MPHOSPH8: variants seen among roughly 807,000 people sequenced by gnomAD.
MPHOSPH8 encodes M-phase phosphoprotein 8.
MPHOSPH8 carries 45 observed loss-of-function variants against 87.3 expected under a neutral mutation model. That is an observed-to-expected ratio of 0.52 (90% CI 0.41 to 0.66). MPHOSPH8 has a LOEUF of 0.66. Among genes scored for constraint, MPHOSPH8 ranks in the 30% least tolerant of loss-of-function variants. The pLI is 0.00. For synonymous variants in MPHOSPH8, 366 were observed against 376.9 expected (o/e 0.97, Z 0.33); for missense variants, 883 against 1,020.2 (o/e 0.87, Z 1.83).
intron 5 of MPHOSPH8, among the ~76,000 whole-genome samples, chr13:19,657,223 A>G (rs1813036582): frequency 6.7e-6 from 1 of 148,170 alleles, no homozygotes; most frequent in Non-Finnish European, 1.5e-5. Context: ...TTATTAGAAA[A>G]CAGTTTTAGG....
rs1314091027 is a variant in MPHOSPH8 at position 19,671,237 on chromosome 13, T to C, written c.2489T>C (p.Val830Ala). The C allele has an allele frequency of 9.9e-6, 16 of 1,614,052 alleles. No individual in the cohort carries two copies. The highest frequency in any genetic ancestry group is 1.2e-5 in the Non-Finnish European group (14 of 1,180,040). The change falls in exon 13 of 14, where the codon GTT (valine) becomes GCT (alanine). Residue 830 changes from valine to alanine, a missense_variant. By Grantham distance (64) the Val-to-Ala change is moderately conservative. This residue lies in a region of MPHOSPH8 where 741 missense variants were observed against 841.5 expected (regional missense o/e 0.88). Coordinates refer to ENST00000361479, the MANE Select transcript of MPHOSPH8 (RefSeq NM_017520.4). Reference protein sequence around the residue: ...DSHFVYSFSPVAGPNKLFIRL... With the variant: ...DSHFVYSFSPAAGPNKLFIRL... ...CATTTTGTTTACTCATTCAGCCCTG[T>C]TGCAGGTCCCAATAAACTCTTCATA...
At chr13:19,668,802 T>C (rs577229276) in intron 11 of MPHOSPH8, among the ~76,000 whole-genome samples, 14 of 152,194 alleles carry the variant, frequency 9.2e-5, no homozygotes, top group African/African-American at 2.9e-4. Context: ...AGCGTCAAGA[T>C]TCTAAGCCTA....
intron 5 of MPHOSPH8, 185 bp downstream of exon 5, chr13:19,650,445 A>G (rs946329784): frequency 5.1e-6 from 3 of 593,798 alleles, no homozygotes; most frequent in Admixed American, 3.6e-5. Context: ...CAATGGATCA[A>G]ACAATTTTTC....
intron 5 of MPHOSPH8, 72 bp from the exon 6 acceptor site, chr13:19,658,923 T>C (rs1875353473): frequency 6.4e-7 from 1 of 1,562,376 alleles, no homozygotes. Flanking sequence ...ACACCACAAA[T>C]TTCATAAACA....
chr13:19,666,769 ACT>A (rs1264713092), intron 10 of MPHOSPH8, among the ~76,000 whole-genome samples, 190 bp downstream of exon 10: 1 of 152,144 alleles, frequency 6.6e-6, no homozygotes, highest in African/African-American at 2.4e-5. Flanking sequence ...AAGTTATTTA[ACT>A]CTCAGAAAAT....
At chr13:19,637,614 C>G (rs577421117) in intron 1 of MPHOSPH8, among the ~76,000 whole-genome samples, 17,914 of 151,960 alleles carry the variant, frequency 0.12, 1,178 homozygotes, top group Middle Eastern at 0.21. Context: ...CATGAGCCAC[C>G]GCTCCTGGCT....
At chr13:19,637,499 G>GCA (rs1160096355) in intron 1 of MPHOSPH8, among the ~76,000 whole-genome samples, 2 of 151,760 alleles carry the variant, frequency 1.3e-5, no homozygotes, top group South Asian at 2.1e-4. Context: ...CTATTTTTAT[G>GCA]CACACACACA....
At chr13:19,666,294 A>G (rs1875809775) in intron 9 of MPHOSPH8, 131 bp from the exon 10 acceptor site, 4 of 965,968 alleles carry the variant, frequency 4.1e-6, no homozygotes, top group African/African-American at 1.6e-5. Flanking sequence ...ACGGGCCCCA[A>G]AAGTTCTCTA....
chr13:19,670,404 C>G (rs1593494435), intron 12 of MPHOSPH8, 41 bp downstream of exon 12: 1 of 1,590,106 alleles, frequency 6.3e-7, no homozygotes, highest in Non-Finnish European at 8.6e-7. Flanking sequence ...GTACATTCTT[C>G]TAATCAAAAG....
intron 5 of MPHOSPH8, among the ~76,000 whole-genome samples, chr13:19,653,999 GGAGAACCTCCC>G (rs1875011442): frequency 6.6e-6 from 1 of 152,208 alleles, no homozygotes; most frequent in Non-Finnish European, 1.5e-5. Context: ...GTATTATCCA[GGAGAACCTCCC>G]CAACCTAGCA....
intron 5 of MPHOSPH8, among the ~76,000 whole-genome samples, chr13:19,653,113 T>A (rs566807488): frequency 6.6e-6 from 1 of 152,310 alleles, no homozygotes; most frequent in African/African-American, 2.4e-5. Flanking sequence ...AGTGGGTCCC[T>A]GACCCCCATG....
chr13:19,646,122 G>C (rs867477702), intron 2 of MPHOSPH8, among the ~76,000 whole-genome samples: 1 of 152,266 alleles, frequency 6.6e-6, no homozygotes, highest in Non-Finnish European at 1.5e-5. Context: ...TTTCTTGGTG[G>C]TTTTGGAAAT....
At position 19,673,089 on chromosome 13, in the gene MPHOSPH8, T is replaced by A. The variant is rs1467779201; in HGVS notation, c.*1214T>A. 3.0e-6 allele frequency: 1 copy of A among 329,706 alleles called. No homozygotes were observed. Among genetic ancestry groups the A allele is most frequent in the African/African-American group, 3.4e-5 (1 of 29,572 alleles). The allele number at this position is 329,706 out of a possible 1,614,324, so 20.4% of individuals were successfully genotyped here. On this transcript the variant is annotated 3_prime_UTR_variant, in exon 14 of 14. Coordinates refer to ENST00000361479, the MANE Select transcript of MPHOSPH8 (RefSeq NM_017520.4). The stretch of plus-strand genomic sequence containing the variant: ...AAAAAGTTTCTTGGAACCTATACGG[T>A]TTTTTTTTGTTTTTTTTTTTTGAAA...
At chr13:19,639,576 T>C (rs1565932168) in intron 1 of MPHOSPH8, among the ~76,000 whole-genome samples, 2 of 152,000 alleles carry the variant, frequency 1.3e-5, no homozygotes, top group African/African-American at 4.8e-5. Flanking sequence ...CCCAAAGTGC[T>C]GGGATTACAG....
chr13:19,650,056 A>G lies in MPHOSPH8; in HGVS notation c.1372A>G (p.Lys458Glu), dbSNP rs754108369. The stretch of plus-strand genomic sequence containing the variant: ...TTTATTTAAATTAACTCCAGAAGAA[A>G]AAAATGATGTTTCTGAGAATAATCG... ...FDLFKLTPEE[K>E]NDVSENNRKR... Residue 458 changes from lysine (K) to glutamate (E), a missense_variant, in exon 5 of 14, where the codon AAA (lysine) becomes GAA (glutamate). Lys to Glu is a moderately conservative substitution (Grantham distance 56). Around this residue, in one of 3 missense-constraint regions of MPHOSPH8, gnomAD observed 741 missense variants for 841.5 expected, o/e 0.88. Transcript: ENST00000361479. 3 of 1,608,696 alleles carry G rather than the reference A, an allele frequency of 1.9e-6. No homozygotes were observed. Among genetic ancestry groups the G allele is most frequent in the Admixed American group, 3.4e-5 (2 of 58,814 alleles).
intron 8 of MPHOSPH8, among the ~76,000 whole-genome samples, chr13:19,662,565 G>C (rs1267306982): frequency 2.0e-5 from 3 of 152,168 alleles, no homozygotes; most frequent in Non-Finnish European, 4.4e-5. Flanking sequence ...TTTTGTTTCA[G>C]TTGATCTGTG....
chr13:19,661,477 G>A (rs560785431), intron 7 of MPHOSPH8, among the ~76,000 whole-genome samples: 2 of 152,294 alleles, frequency 1.3e-5, no homozygotes, highest in African/African-American at 4.8e-5. Flanking sequence ...TAGGCCTATA[G>A]AGGAAAGTTG....
chr13:19,637,987 G>A (rs1471999818), intron 1 of MPHOSPH8, among the ~76,000 whole-genome samples: 1 of 151,652 alleles, frequency 6.6e-6, no homozygotes, highest in Non-Finnish European at 1.5e-5. Flanking sequence ...TGTAGTCCCA[G>A]CTACTCGGGA....
chr13:19,666,019 G>C (rs566845768), intron 9 of MPHOSPH8, among the ~76,000 whole-genome samples: 5 of 152,174 alleles, frequency 3.3e-5, no homozygotes, highest in African/African-American at 4.8e-5. Flanking sequence ...CCAGGCTTAC[G>C]TATCTCTGCG....
Sources: gnomAD v4.1 joint callset for allele counts (sites outside exome capture counted in the v4.1 genomes callset) on GRCh38, gnomAD v4.1.1 for gene constraint, gnomAD v4.1.1 regional missense constraint, MANE v1.5 for transcripts, NCBI Gene and HGNC (gene_info 2026-07-23, HGNC 2026-07-21) for gene names.